The following ACTN4 variants were observed in gnomAD, a reference collection of about 807,000 sequenced individuals.
ACTN4 encodes the protein actinin alpha 4.
In ACTN4, 18 loss-of-function variants were observed where a neutral mutation model predicts 114.2. The ratio of observed to expected loss-of-function variants is 0.16; its 90% CI spans 0.11 to 0.23. The LOEUF is 0.23. ACTN4 is among the 10% of genes least tolerant of loss of function. The pLI, the probability that ACTN4 is intolerant of heterozygous loss-of-function variation, is 1.00. For missense variants in ACTN4, 722 were observed against 1,262.9 expected (o/e 0.57, Z 6.49); for synonymous variants, 515 against 506.3 (o/e 1.02, Z -0.23).
intron 1 of ACTN4, among the ~76,000 whole-genome samples, chr19:38,676,439 G>T (rs1243717379): frequency 1.3e-5 from 2 of 152,244 alleles, no homozygotes; most frequent in African/African-American, 4.8e-5. Flanking sequence ...ATATGAGCCA[G>T]TAGAGACGAG....
At chr19:38,728,082 T>C (rs1969304793) in intron 19 of ACTN4, 56 bp downstream of exon 19, 5 of 1,526,448 alleles carry the variant, frequency 3.3e-6, no homozygotes, top group East Asian at 2.4e-5. Context: ...TCTCTCTCTC[T>C]CCTTCTCTCT....
chr19:38,662,009 C>T (rs554923860), intron 1 of ACTN4, among the ~76,000 whole-genome samples: 2 of 152,190 alleles, frequency 1.3e-5, no homozygotes, highest in Admixed American at 1.3e-4. Flanking sequence ...TCTATAAATC[C>T]CTCTTTCACT....
intron 1 of ACTN4, among the ~76,000 whole-genome samples, chr19:38,665,109 GGGGGTGTTGA>G (rs1313062427): frequency 6.6e-6 from 1 of 152,148 alleles, no homozygotes; most frequent in African/African-American, 2.4e-5. Flanking sequence ...CACCCCGGGA[GGGGGTGTTGA>G]GAGCACTGAA....
chr19:38,654,709 G>A (rs2144828372), intron 1 of ACTN4, among the ~76,000 whole-genome samples: 1 of 152,258 alleles, frequency 6.6e-6, no homozygotes, highest in African/African-American at 2.4e-5. Context: ...TTGTCTTGGT[G>A]TTGTGCCTTT....
At position 38,728,136 on chromosome 19, in the gene ACTN4, C is replaced by T. The variant is rs185344391; in HGVS notation, c.2418+110C>T. On this transcript the variant is annotated intron_variant, in intron 19 of 20. Coordinates refer to ENST00000252699, the MANE Select transcript of ACTN4 (RefSeq NM_004924.6). ...ACCCCTGCCATCCTGTGTGCCATCT[C>T]ATGGCTCTCTTGCCTCCCTGCCCAC... The T allele has an allele frequency of 5.1e-5, 71 of 1,392,276 alleles. No individual in the cohort carries two copies. The African/African-American group carries it at 8.7e-4, about 17-fold the overall frequency. The allele number at this position is 1,392,276 out of a possible 1,614,324, so 86.2% of individuals were successfully genotyped here. A position where few individuals can be genotyped will look rare whatever the true frequency, so the allele number is the denominator to read the frequency against.
At chr19:38,677,329 G>A (rs1285861751) in intron 1 of ACTN4, among the ~76,000 whole-genome samples, 1 of 151,554 alleles carries the variant, frequency 6.6e-6, no homozygotes, top group Non-Finnish European at 1.5e-5. Flanking sequence ...GCAAATGTAA[G>A]TGTGCACTAA....
intron 1 of ACTN4, among the ~76,000 whole-genome samples, chr19:38,657,699 T>G (rs1234468947): frequency 6.6e-6 from 1 of 152,012 alleles, no homozygotes; most frequent in Non-Finnish European, 1.5e-5. Flanking sequence ...CAGTTTGAGG[T>G]TAGGAGAGGC....
chr19:38,666,704 C>G (rs1240538590), intron 1 of ACTN4, among the ~76,000 whole-genome samples: 1 of 152,198 alleles, frequency 6.6e-6, no homozygotes, highest in Non-Finnish European at 1.5e-5. Context: ...TTAGCCTGGG[C>G]ATTAATTAAA....
intron 1 of ACTN4, among the ~76,000 whole-genome samples, chr19:38,659,065 C>CTTTTTTCTTT (rs1976797290): frequency 2.7e-5 from 3 of 111,692 alleles, no homozygotes; most frequent in Non-Finnish European, 3.6e-5. Context: ...CTTTTCTTTT[C>CTTTTTTCTTT]TTTTTTTTTT....
chr19:38,664,902 G>T (rs748330560), intron 1 of ACTN4, among the ~76,000 whole-genome samples: 1 of 152,274 alleles, frequency 6.6e-6, no homozygotes, highest in East Asian at 1.9e-4. Flanking sequence ...CTTTGGGAGA[G>T]TTTTTTCTGG....
intron 1 of ACTN4, among the ~76,000 whole-genome samples, chr19:38,659,921 CTT>C (rs3033328): frequency 1.1e-4 from 15 of 132,006 alleles, no homozygotes; most frequent in Admixed American, 2.4e-4. Context: ...TCTATATGAT[CTT>C]TTTTTTTTTT....
At chr19:38,690,431 C>G (rs899641757) in intron 1 of ACTN4, among the ~76,000 whole-genome samples, 8 of 152,248 alleles carry the variant, frequency 5.3e-5, no homozygotes, top group Non-Finnish European at 8.8e-5. Flanking sequence ...CGAGTTTGTC[C>G]TAATCGAGCT....
At chr19:38,709,848 G>A (rs1968584337) in intron 7 of ACTN4, among the ~76,000 whole-genome samples, 1 of 152,220 alleles carries the variant, frequency 6.6e-6, no homozygotes, top group South Asian at 2.1e-4. Flanking sequence ...ACCTGCAGCA[G>A]GCATGGAGTA....
At chr19:38,719,248 C>G (rs1031849) in intron 11 of ACTN4, among the ~76,000 whole-genome samples, 102,886 of 152,146 alleles carry the variant, frequency 0.68, 35,640 homozygotes, top group South Asian at 0.84. Context: ...TCCTCTCCCA[C>G]TCTGGCCACC....
In ACTN4 at chr19:38,727,838, C is replaced by A; in HGVS notation, c.2338-108C>A. ...CCATGTTGCCTCTAACTCTGTGTTT[C>A]CCTCCCCTACGTGTCCCTTCCCCCT... is the stretch of plus-strand genomic sequence containing the variant. On this transcript the variant is annotated intron_variant, in intron 18 of 20. Coordinates refer to ENST00000252699, the MANE Select transcript of ACTN4 (RefSeq NM_004924.6). This position sits in a 1 kb window ranked among gnomAD's most constrained non-coding sequence, Gnocchi z 5.4. 9.6e-7 allele frequency: 1 copy of A among 1,040,140 alleles called. No homozygotes were observed. Among genetic ancestry groups the A allele is most frequent in the Non-Finnish European group, 1.5e-6 (1 of 687,926 alleles). 64.4% of individuals were successfully genotyped at this position (1,040,140 alleles called of 1,614,324 possible). A position where few individuals can be genotyped will look rare whatever the true frequency, so the allele number is the denominator to read the frequency against.
chr19:38,687,569 A>G (rs538198785), intron 1 of ACTN4, among the ~76,000 whole-genome samples: 5 of 152,368 alleles, frequency 3.3e-5, no homozygotes, highest in African/African-American at 9.6e-5. Context: ...AACAACTATT[A>G]ATAGATACCC....
intron 1 of ACTN4, among the ~76,000 whole-genome samples, chr19:38,694,277 T>G (rs1464558812): frequency 6.6e-6 from 1 of 151,242 alleles, no homozygotes; most frequent in Non-Finnish European, 1.5e-5. Flanking sequence ...TTTTTTTTTT[T>G]GAAACCGAGT....
intron 2 of ACTN4, 100 bp downstream of exon 2, chr19:38,700,814 G>A: frequency 7.3e-7 from 1 of 1,370,992 alleles, no homozygotes; most frequent in East Asian, 2.4e-5. Flanking sequence ...CATTGCTCCT[G>A]GGGAGGAGAG....
At chr19:38,648,683 G>T (rs1451429240) in intron 1 of ACTN4, among the ~76,000 whole-genome samples, 1 of 151,922 alleles carries the variant, frequency 6.6e-6, no homozygotes, top group Non-Finnish European at 1.5e-5. Flanking sequence ...TTTATTTGTG[G>T]TGCCCTGTTC....
Sources: gnomAD v4.1 joint callset for allele counts (sites outside exome capture counted in the v4.1 genomes callset) on GRCh38, gnomAD v4.1.1 for gene constraint, Gnocchi (gnomAD v3.1) non-coding constraint, MANE v1.5 for transcripts, NCBI Gene and HGNC (gene_info 2026-07-23, HGNC 2026-07-21) for gene names.